The following POLA2 variants were observed in gnomAD, a reference collection of about 807,000 sequenced individuals.
POLA2 encodes DNA polymerase alpha 2, accessory subunit.
Under a neutral mutation model 82.8 loss-of-function variants are expected in POLA2, and 47 were observed. That is an observed-to-expected ratio of 0.57 (90% CI 0.45 to 0.72). The LOEUF is 0.72. Ranked by LOEUF, POLA2 falls within the 30% of genes least tolerant of loss-of-function variation. POLA2 has a pLI of 0.00. For missense variants in POLA2, 634 were observed against 728.1 expected, an observed-to-expected ratio of 0.87 and a Z score of 1.49; for synonymous variants, 287 against 286.8, an observed-to-expected ratio of 1.00 and a Z score of -0.01.
At chr11:65,286,850 G>T (rs1949702700) in intron 10 of POLA2, among the ~76,000 whole-genome samples, 1 of 152,150 alleles carries the variant, frequency 6.6e-6, no homozygotes, top group Non-Finnish European at 1.5e-5. Context: ...AATTTATTAG[G>T]GGAGATCCAG....
At chr11:65,292,543 TTGAGATGTGGAGCACA>T (rs1366009752) in intron 13 of POLA2, among the ~76,000 whole-genome samples, 7 of 152,340 alleles carry the variant, frequency 4.6e-5, no homozygotes, top group African/African-American at 1.7e-4. Context: ...TGTCAAGCCC[TTGAGATGTGGAGCACA>T]GATTGTCCCA....
Position 65,268,591 on chromosome 11 carries a change from C to A in POLA2, c.297-81C>A, listed in dbSNP as rs571033561. On this transcript the variant is annotated intron_variant, in intron 3 of 17. Transcript: ENST00000265465. ...TCTCCTGATCTCGTGATCCGCCCATCTCGGCCTCCCAAAGTGCTGGGATTA... is the reference window on the plus strand; with the variant it reads ...TCTCCTGATCTCGTGATCCGCCCATATCGGCCTCCCAAAGTGCTGGGATTA... 798 of 824,332 alleles carry A rather than the reference C, an allele frequency of 9.7e-4. 9 individuals are homozygous for A. The highest frequency in any genetic ancestry group is 1.9e-4 in the Non-Finnish European group (93 of 493,490). The allele number at this position is 824,332 out of a possible 1,614,324, so 51.1% of individuals were successfully genotyped here. A position where few individuals can be genotyped will look rare whatever the true frequency, so the allele number is the denominator to read the frequency against.
At chr11:65,296,075 A>C in intron 17 of POLA2, 85 bp downstream of exon 17, 1 of 1,468,950 alleles carries the variant, frequency 6.8e-7, no homozygotes, top group Non-Finnish European at 9.4e-7. Context: ...CTCACCCCTC[A>C]TGGGTCAGCT....
intron 10 of POLA2, among the ~76,000 whole-genome samples, chr11:65,283,968 CAAA>C (rs879880217): frequency 4.2e-5 from 4 of 95,734 alleles, no homozygotes; most frequent in Admixed American, 3.5e-4. Flanking sequence ...CCTGTCTCTA[CAAA>C]AAAAAAAAAA....
In POLA2 at chr11:65,261,989, A is replaced by G; in HGVS notation, c.-304A>G. 1 of 456,042 alleles carries G rather than the reference A, an allele frequency of 2.2e-6. No individual in the cohort carries two copies. Among genetic ancestry groups the G allele is most frequent in the Non-Finnish European group, 3.9e-6 (1 of 255,690 alleles). The allele number at this position is 456,042 out of a possible 1,614,324, so 28.2% of individuals were successfully genotyped here. On this transcript the variant is annotated 5_prime_UTR_variant, in exon 1 of 18. Coordinates refer to ENST00000265465, the MANE Select transcript of POLA2 (RefSeq NM_002689.4). ...TTCTGCCACCGTCACTGAGAAGCTCAGCGGTAGCTTTTGGGAAGCAGGACG... is the reference window on the plus strand; with the variant it reads ...TTCTGCCACCGTCACTGAGAAGCTCGGCGGTAGCTTTTGGGAAGCAGGACG...
chr11:65,275,366 CAA>C (rs760641138), intron 4 of POLA2, among the ~76,000 whole-genome samples: 2,095 of 85,750 alleles, frequency 0.024, 33 homozygotes, highest in African/African-American at 0.072. Flanking sequence ...GTTGATGAGT[CAA>C]AAAAAAAAAA....
At chr11:65,302,403 A>G (rs1296814572), downstream of POLA2, among the ~76,000 whole-genome samples, 2 of 152,078 alleles carry the variant, frequency 1.3e-5, no homozygotes, top group African/African-American at 2.4e-5. Context: ...GGCCCTGTTC[A>G]ACAGGGTGGG....
chr11:65,279,581 A>T lies in POLA2; in HGVS notation c.699A>T (p.Glu233Asp). 1 of 1,613,934 alleles carries T rather than the reference A, an allele frequency of 6.2e-7. No homozygotes were observed. Among genetic ancestry groups the T allele is most frequent in the Non-Finnish European group, 8.5e-7 (1 of 1,179,850 alleles). ...AAGAACTTGGCAGCGAACTCAAGGAACATTACAAGATTGAAGCTTTCACTC... is the reference window on the plus strand; with the variant it reads ...AAGAACTTGGCAGCGAACTCAAGGATCATTACAAGATTGAAGCTTTCACTC... ...KIEELGSELKEHYKIEAFTPL... is the reference protein window; with the variant it reads ...KIEELGSELKDHYKIEAFTPL... The change falls in exon 7 of 18, where the codon GAA (glutamate) becomes GAT (aspartate). Residue 233 changes from glutamate to aspartate, a missense_variant. By Grantham distance (45) the Glu-to-Asp change is conservative. Transcript: ENST00000265465.
At chr11:65,283,210 A>G (rs1318329272) in intron 10 of POLA2, among the ~76,000 whole-genome samples, 1 of 152,240 alleles carries the variant, frequency 6.6e-6, no homozygotes. Flanking sequence ...GAACGGGAAC[A>G]TCAGTGGAAC....
At chr11:65,281,862 G>T (rs1207863247) in intron 9 of POLA2, 130 bp downstream of exon 9, 1 of 746,708 alleles carries the variant, frequency 1.3e-6, no homozygotes, top group African/African-American at 1.7e-5. Context: ...TCTGTAAGTG[G>T]GAACCCACCC....
downstream of POLA2, among the ~76,000 whole-genome samples, chr11:65,301,215 G>C (rs1314247553): frequency 6.6e-6 from 1 of 152,128 alleles, no homozygotes; most frequent in Non-Finnish European, 1.5e-5. Context: ...GAAAGGGAAG[G>C]GAGGCAGTGA....
At position 65,262,325 on chromosome 11, in the gene POLA2, G is replaced by A. The variant is rs1256012426; in HGVS notation, c.33G>A (p.Glu11=). 1.1e-5 allele frequency: 17 copies of A among 1,613,726 alleles called. No homozygotes were observed. Among genetic ancestry groups the A allele is most frequent in the Non-Finnish European group, 1.4e-5 (17 of 1,179,894 alleles). ...CATCCGCCCAGCAGCTGGCGGAGGA[G>A]CTGCAGATCTTCGGCCTAGACTGCG... MSASAQQLAE[E]LQIFGLDCEE... is the part of the protein sequence containing the mutation. Residue 11 remains glutamate, a synonymous_variant, in exon 1 of 18, where the codon GAG becomes GAA. Transcript: ENST00000265465.
chr11:65,292,729 C>G (rs2137583265), intron 13 of POLA2, among the ~76,000 whole-genome samples: 1 of 152,326 alleles, frequency 6.6e-6, no homozygotes, highest in South Asian at 2.1e-4. Context: ...AGTTCACACT[C>G]TGAGAGGACA....
At chr11:65,264,949 G>A (rs1329254754) in intron 1 of POLA2, among the ~76,000 whole-genome samples, 2 of 152,154 alleles carry the variant, frequency 1.3e-5, no homozygotes, top group Admixed American at 6.5e-5. Context: ...CAAAAGGGTC[G>A]GCCGGGTGCG....
At chr11:65,281,550 C>G (rs1488358362) in intron 8 of POLA2, 120 bp from the exon 9 acceptor site, 2 of 740,522 alleles carry the variant, frequency 2.7e-6, no homozygotes, top group East Asian at 2.6e-5. Context: ...CAAAAATGCC[C>G]TAAGTTTATG....
rs770840610 is a variant in POLA2 at position 65,295,618 on chromosome 11, C to T, written c.1520+19C>T. 2.2e-5 allele frequency: 35 copies of T among 1,606,056 alleles called. No homozygotes were observed. Among genetic ancestry groups the T allele is most frequent in the Non-Finnish European group, 2.6e-5 (30 of 1,173,470 alleles). ...AGAGGAGGTGAGCTTGCCGCTGGGA[C>T]CCCTGACTGTGGAGAGAGTGCCTTG... On this transcript the variant is annotated intron_variant, in intron 16 of 17. Coordinates refer to ENST00000265465, the MANE Select transcript of POLA2 (RefSeq NM_002689.4).
At chr11:65,266,450 C>T (rs2137491495) in intron 1 of POLA2, 132 bp from the exon 2 acceptor site, 2 of 887,684 alleles carry the variant, frequency 2.3e-6, no homozygotes, top group Admixed American at 4.6e-5. Flanking sequence ...TTTCTCATTG[C>T]CCAAAACAGT....
chr11:65,284,521 G>GT (rs1377231487), intron 10 of POLA2, among the ~76,000 whole-genome samples: 50 of 142,586 alleles, frequency 3.5e-4, no homozygotes, highest in Admixed American at 5.6e-4. Context: ...TCAAGGCATT[G>GT]TTTTTTTTTT....
At chr11:65,305,472 C>T (rs1422689484) in exon 9 of POLA2, 1 of 442,634 alleles carries the variant, frequency 2.3e-6, no homozygotes, top group East Asian at 7.0e-5. Flanking sequence ...GGCCTGGTAC[C>T]TGGCACAGTC....
Sources: allele counts gnomAD v4.1 joint callset (sites outside exome capture counted in the v4.1 genomes callset), GRCh38; gene constraint gnomAD v4.1.1; transcripts MANE v1.5; gene names NCBI Gene and HGNC (gene_info 2026-07-23, HGNC 2026-07-21).